ARL15: variants seen among roughly 807,000 people sequenced by gnomAD.
ARL15 encodes the protein ADP-ribosylation factor-like protein 15.
ARL15 carries 19 observed loss-of-function variants against 25.2 expected under a neutral mutation model. The ratio of observed to expected loss-of-function variants is 0.75; its 90% confidence interval spans 0.53 to 1.10. The LOEUF (loss-of-function observed/expected upper bound fraction) is 1.10. ARL15 is among the 50% of genes least tolerant of loss of function. The pLI is 0.00. For missense variants in ARL15, 220 were observed against 246.0 expected (o/e 0.89, Z 0.71); for synonymous variants, 94 against 86.8 (o/e 1.08, Z -0.46).
intron 1 of ARL15, among the ~76,000 whole-genome samples, chr5:54,221,452 G>A (rs1756370639): frequency 6.6e-6 from 1 of 152,118 alleles, no homozygotes; most frequent in Non-Finnish European, 1.5e-5. Flanking sequence ...AGTTATGAGA[G>A]CATTCCTTTG....
intron 4 of ARL15, among the ~76,000 whole-genome samples, chr5:54,100,214 G>A (rs756185541): frequency 1.1e-4 from 16 of 151,970 alleles, no homozygotes; most frequent in Admixed American, 2.0e-4. Flanking sequence ...ATATTATTTA[G>A]AGACACATGT....
chr5:54,205,881 T>C (rs1047547586), intron 1 of ARL15, among the ~76,000 whole-genome samples: 2 of 152,178 alleles, frequency 1.3e-5, no homozygotes, highest in African/African-American at 2.4e-5. Flanking sequence ...CATAATTTTC[T>C]GGTGAATGGA....
intron 1 of ARL15, among the ~76,000 whole-genome samples, chr5:54,242,994 G>A (rs971235588): frequency 1.3e-5 from 2 of 152,140 alleles, no homozygotes; most frequent in East Asian, 3.8e-4. Context: ...ACATAAAAAT[G>A]TGATTGCCTG....
At chr5:54,076,940 C>T (rs1751628340) in intron 4 of ARL15, among the ~76,000 whole-genome samples, 1 of 152,166 alleles carries the variant, frequency 6.6e-6, no homozygotes, top group Non-Finnish European at 1.5e-5. Flanking sequence ...GCAAATTCTT[C>T]CTCTTAGCAG....
At chr5:54,043,776 A>G (rs906278856) in intron 4 of ARL15, among the ~76,000 whole-genome samples, 7 of 152,190 alleles carry the variant, frequency 4.6e-5, no homozygotes, top group African/African-American at 1.7e-4. Context: ...AAACTTGGAA[A>G]CATTAAAATA....
intron 4 of ARL15, among the ~76,000 whole-genome samples, chr5:53,929,146 G>A (rs1746121946): frequency 7.0e-6 from 1 of 142,412 alleles, no homozygotes; most frequent in African/African-American, 2.6e-5. Flanking sequence ...GTTTAGATAA[G>A]CATTCCAGAT....
At chr5:54,032,686 G>A (rs1185069006) in intron 4 of ARL15, among the ~76,000 whole-genome samples, 1 of 152,018 alleles carries the variant, frequency 6.6e-6, no homozygotes, top group Non-Finnish European at 1.5e-5. Flanking sequence ...CTTAAGCATG[G>A]GAATTACTGT....
chr5:54,271,625 C>G (rs891165836), intron 1 of ARL15, among the ~76,000 whole-genome samples: 1 of 152,078 alleles, frequency 6.6e-6, no homozygotes, highest in Admixed American at 6.6e-5. Flanking sequence ...CCTTTTTATT[C>G]TCTCTGGAGA....
chr5:53,935,462 T>C (rs1034368228), intron 4 of ARL15, among the ~76,000 whole-genome samples: 3 of 152,230 alleles, frequency 2.0e-5, no homozygotes, highest in Admixed American at 1.3e-4. Context: ...GCACACATCA[T>C]TCTGTTTCAG....
intron 4 of ARL15, among the ~76,000 whole-genome samples, chr5:53,998,132 T>G (rs978107416): frequency 6.6e-6 from 1 of 152,164 alleles, no homozygotes; most frequent in Non-Finnish European, 1.5e-5. Context: ...GAATGAGAGC[T>G]GGGCTCTACT....
chr5:54,129,720 T>G (rs943044587), intron 3 of ARL15, among the ~76,000 whole-genome samples: 2 of 152,212 alleles, frequency 1.3e-5, no homozygotes, highest in African/African-American at 4.8e-5. Context: ...GAAAGTCTGA[T>G]GAACGCCATT....
At chr5:54,291,941 T>G (rs1758327615) in intron 1 of ARL15, among the ~76,000 whole-genome samples, 1 of 152,220 alleles carries the variant, frequency 6.6e-6, no homozygotes, top group African/African-American at 2.4e-5. Flanking sequence ...CTTCAGCATC[T>G]GATACCCCAA....
chr5:54,287,057 T>G (rs572391838), intron 1 of ARL15, among the ~76,000 whole-genome samples: 4 of 151,858 alleles, frequency 2.6e-5, no homozygotes, highest in African/African-American at 7.3e-5. Context: ...TTGTTTATTT[T>G]TTTGTAGAGA....
At chr5:54,261,751 C>T (rs1187805477) in intron 1 of ARL15, among the ~76,000 whole-genome samples, 1 of 150,850 alleles carries the variant, frequency 6.6e-6, no homozygotes, top group Non-Finnish European at 1.5e-5. Context: ...CCAGATCTTA[C>T]ACACACACAC....
intron 4 of ARL15, among the ~76,000 whole-genome samples, chr5:53,901,660 G>T: frequency 6.9e-6 from 1 of 145,720 alleles, no homozygotes; most frequent in Non-Finnish European, 1.5e-5. Context: ...ATATTGAAAT[G>T]GCTAGGTGGG....
intron 4 of ARL15, among the ~76,000 whole-genome samples, chr5:54,021,625 A>G (rs991247847): frequency 1.3e-5 from 2 of 152,144 alleles, no homozygotes; most frequent in Non-Finnish European, 2.9e-5. Flanking sequence ...GAGCCTCAGG[A>G]ACCTGTGGGA....
intron 4 of ARL15, among the ~76,000 whole-genome samples, chr5:53,908,277 T>C (rs1745336144): frequency 6.6e-5 from 10 of 152,184 alleles, no homozygotes; most frequent in Admixed American, 6.5e-4. Flanking sequence ...GCAGGCCTTC[T>C]GTATCCATGG....
chr5:54,026,865 G>A (rs1210449942), intron 4 of ARL15, among the ~76,000 whole-genome samples: 3 of 152,120 alleles, frequency 2.0e-5, no homozygotes, highest in Non-Finnish European at 4.4e-5. Context: ...CATGTAAACT[G>A]AGTTGCCAGA....
intron 4 of ARL15, among the ~76,000 whole-genome samples, chr5:53,952,645 T>C (rs1208887880): frequency 6.6e-6 from 1 of 152,204 alleles, no homozygotes; most frequent in Non-Finnish European, 1.5e-5. Context: ...GGGAAATACT[T>C]AATTCTACTG....
Sources: gnomAD v4.1 joint callset for allele counts (sites outside exome capture counted in the v4.1 genomes callset) on GRCh38, gnomAD v4.1.1 for gene constraint, MANE v1.5 for transcripts, NCBI Gene and HGNC (gene_info 2026-07-23, HGNC 2026-07-21) for gene names.